Variants in PRDM5 observed in about 807,000 individuals in gnomAD.
PRDM5 encodes PR domain zinc finger protein 5.
PRDM5 carries 56 observed loss-of-function variants against 81.2 expected under a neutral mutation model. The ratio of observed to expected loss-of-function variants is 0.69; its 90% CI spans 0.56 to 0.86. PRDM5 has a LOEUF of 0.86. Ranked by LOEUF, PRDM5 falls within the 40% of genes least tolerant of loss-of-function variation. The pLI, the probability that PRDM5 is intolerant of heterozygous loss-of-function variation, is 0.00. For synonymous variants in PRDM5, 267 were observed against 256.4 expected, an observed-to-expected ratio of 1.04 and a Z score of -0.39; for missense variants, 697 against 770.1, an observed-to-expected ratio of 0.91 and a Z score of 1.12.
intron 14 of PRDM5, among the ~76,000 whole-genome samples, chr4:120,751,926 G>A (rs1022534069): frequency 4.6e-5 from 7 of 151,984 alleles, no homozygotes; most frequent in Non-Finnish European, 8.8e-5. Context: ...TTTTTCTGTT[G>A]TTGTTAAAAT....
intron 2 of PRDM5, among the ~76,000 whole-genome samples, chr4:120,887,177 C>T (rs1444238382): frequency 1.3e-5 from 2 of 152,172 alleles, no homozygotes; most frequent in African/African-American, 4.8e-5. Flanking sequence ...AATTCCTGAA[C>T]TCGTGATCCA....
intron 14 of PRDM5, among the ~76,000 whole-genome samples, chr4:120,736,098 T>A (rs1741078553): frequency 6.6e-6 from 1 of 152,136 alleles, no homozygotes; most frequent in Non-Finnish European, 1.5e-5. Flanking sequence ...TGTCTGGCCT[T>A]CTGTGTCTGG....
At position 120,685,973 on chromosome 4, in the gene PRDM5, C is replaced by T. The variant is rs546162457; in HGVS notation, n.104-948G>A. Among the ~76,000 whole-genome samples the T allele has an allele frequency of 2.0e-5, 3 of 152,016 alleles. No homozygotes were observed. In the South Asian group the frequency reaches 6.2e-4, roughly 32 times the overall value. The stretch of plus-strand genomic sequence containing the variant: ...TTCTCATGAATGGTTTGGCACCATC[C>T]CCTTAGTGTTCTCCTTGCAATAGTG... On this transcript the variant is annotated intron_variant and non_coding_transcript_variant, in intron 1 of 1. Coordinates refer to the PRDM5 transcript ENST00000513741.
intron 10 of PRDM5, among the ~76,000 whole-genome samples, chr4:120,786,316 AGTCAGGAT>A (rs2149252301): frequency 6.6e-6 from 1 of 152,310 alleles, no homozygotes; most frequent in South Asian, 2.1e-4. Context: ...ATTTAAGATT[AGTCAGGAT>A]AAATCACAGA....
chr4:120,880,532 C>A (rs1346969412), intron 2 of PRDM5, among the ~76,000 whole-genome samples: 1 of 151,958 alleles, frequency 6.6e-6, no homozygotes, highest in African/African-American at 2.4e-5. Context: ...ACCATGTAAC[C>A]AATACAAAAA....
chr4:120,836,181 G>T (rs1216819856), intron 3 of PRDM5, among the ~76,000 whole-genome samples: 1 of 152,086 alleles, frequency 6.6e-6, no homozygotes, highest in East Asian at 1.9e-4. Flanking sequence ...TAGGAGATTT[G>T]TTCTTAAGAA....
At chr4:120,821,730 C>T (rs1379678147) in intron 3 of PRDM5, among the ~76,000 whole-genome samples, 2 of 147,324 alleles carry the variant, frequency 1.4e-5, no homozygotes, top group Non-Finnish European at 3.0e-5. Context: ...ATTATTAACA[C>T]TAACACAAAA....
chr4:120,801,608 T>C (rs998903059), intron 8 of PRDM5, among the ~76,000 whole-genome samples: 1 of 152,228 alleles, frequency 6.6e-6, no homozygotes, highest in Non-Finnish European at 1.5e-5. Context: ...CAATGGCATC[T>C]ATGAGGGGAT....
chr4:120,812,090 T>C (rs1017340454), intron 7 of PRDM5, among the ~76,000 whole-genome samples: 4 of 152,134 alleles, frequency 2.6e-5, no homozygotes, highest in African/African-American at 9.6e-5. Flanking sequence ...TTAATAGTTT[T>C]AATTTTAGCT....
At chr4:120,787,595 G>A (rs1455897211) in intron 10 of PRDM5, among the ~76,000 whole-genome samples, 3 of 152,180 alleles carry the variant, frequency 2.0e-5, no homozygotes, top group African/African-American at 7.2e-5. Context: ...AAGTAGTAGA[G>A]TTCTAAATAT....
At chr4:120,871,534 T>C (rs1418648581) in intron 2 of PRDM5, among the ~76,000 whole-genome samples, 2 of 152,228 alleles carry the variant, frequency 1.3e-5, no homozygotes, top group African/African-American at 2.4e-5. Context: ...TCTGAGTTTT[T>C]GTTATTGCCA....
In PRDM5 at chr4:120,718,058, T is replaced by A. The variant is rs916343819; in HGVS notation, c.1624-7645A>T. On this transcript the variant is annotated intron_variant, in intron 14 of 15. Coordinates refer to ENST00000264808, the MANE Select transcript of PRDM5 (RefSeq NM_018699.4). ...GAGCCTGTGGTCTTCTGAACATATA[T>A]AATCATGAGTTTGCTTAGGAGAAGG... 2.0e-5 allele frequency among the ~76,000 whole-genome samples: 3 copies of A among 152,200 alleles called. No individual in the cohort carries two copies. The East Asian group carries it at 5.8e-4, about 29-fold the overall frequency.
chr4:120,849,504 T>A (rs1159621747), intron 3 of PRDM5, among the ~76,000 whole-genome samples: 1 of 152,122 alleles, frequency 6.6e-6, no homozygotes, highest in African/African-American at 2.4e-5. Context: ...CTGACACCCC[T>A]CATGAAGTGC....
chr4:120,719,271 A>T (rs1483906408), intron 14 of PRDM5, among the ~76,000 whole-genome samples: 1 of 152,248 alleles, frequency 6.6e-6, no homozygotes, highest in African/African-American at 2.4e-5. Context: ...CACTATAGAC[A>T]GTGCTTCTCA....
intron 1 of PRDM5, 137 bp downstream of exon 1, chr4:120,922,379 A>G (rs1224546154): frequency 6.3e-6 from 7 of 1,113,236 alleles, no homozygotes; most frequent in Non-Finnish European, 7.8e-6. Context: ...CGGCCTTCCC[A>G]CGGACGCCTG....
intron 14 of PRDM5, among the ~76,000 whole-genome samples, chr4:120,733,590 C>A (rs1386926273): frequency 5.3e-5 from 8 of 152,212 alleles, no homozygotes; most frequent in Non-Finnish European, 1.0e-4. Flanking sequence ...TGCCATCACA[C>A]ATGGTTCTCT....
chr4:120,916,128 C>A (rs1472155950), intron 1 of PRDM5, among the ~76,000 whole-genome samples: 1 of 152,134 alleles, frequency 6.6e-6, no homozygotes, highest in Non-Finnish European at 1.5e-5. Context: ...GTGGTTCATG[C>A]CTGTAATCCC....
intron 13 of PRDM5, among the ~76,000 whole-genome samples, chr4:120,761,823 C>A (rs544275242): frequency 6.6e-6 from 1 of 152,140 alleles, no homozygotes; most frequent in South Asian, 2.1e-4. Flanking sequence ...AGCAGAGGCA[C>A]AGAAATCAAA....
At chr4:120,725,754 A>G (rs1397324511) in intron 14 of PRDM5, among the ~76,000 whole-genome samples, 2 of 152,266 alleles carry the variant, frequency 1.3e-5, no homozygotes, top group Admixed American at 1.3e-4. Flanking sequence ...TGAATTCAGG[A>G]ATCACAGCTC....
Sources: allele counts gnomAD v4.1 joint callset (sites outside exome capture counted in the v4.1 genomes callset), GRCh38; gene constraint gnomAD v4.1.1; transcripts MANE v1.5; gene names NCBI Gene and HGNC (gene_info 2026-07-23, HGNC 2026-07-21).